Variants in HGS observed in about 807,000 individuals in gnomAD.
HGS encodes human growth factor-regulated tyrosine kinase substrate.
Under a neutral mutation model 109.7 loss-of-function variants are expected in HGS, and 63 were observed. The observed-to-expected ratio is 0.57, with a 90% CI of 0.47 to 0.71. The LOEUF is 0.71. Among genes scored for constraint, HGS ranks in the 30% least tolerant of loss-of-function variants. HGS has a pLI of 0.00. For missense variants in HGS, 995 were observed against 1,068.3 expected, an observed-to-expected ratio of 0.93 and a Z score of 0.96; for synonymous variants, 546 against 437.3, an observed-to-expected ratio of 1.25 and a Z score of -3.10.
At chr17:81,693,337 C>CCTGCT (rs1272887635) in intron 8 of HGS, among the ~76,000 whole-genome samples, 166 bp from the exon 9 acceptor site, 1 of 152,228 alleles carries the variant, frequency 6.6e-6, no homozygotes, top group Non-Finnish European at 1.5e-5. Flanking sequence ...CGAGTCCTGC[C>CCTGCT]CTGCTCTGCT....
In HGS at chr17:81,693,693, G is replaced by T; in HGVS notation, c.781G>T (p.Glu261Ter). 6.4e-7 allele frequency: 1 copy of T among 1,558,300 alleles called. No individual in the cohort carries two copies. The highest frequency in any genetic ancestry group is 8.7e-7 in the Non-Finnish European group (1 of 1,150,720). ...GGACGAGACGGCCCTGCAGGAGGAG[G>T]AGGAGCTGCAGCTGGCCCTGGCGCT... Reference protein sequence around the residue: ...KRDETALQEEEELQLALALSQ... With the variant: ...KRDETALQEE Residue 261 changes from glutamate to a stop codon, truncating the protein, a stop_gained, in exon 10 of 22, where the codon GAG (glutamate) becomes TAG (stop). Coordinates refer to ENST00000329138, the MANE Select transcript of HGS (RefSeq NM_004712.5). LOFTEE classifies it high-confidence loss of function.
intron 1 of HGS, chr17:81,685,030 G>T (rs1180731317): frequency 1.0e-6 from 1 of 985,282 alleles, no homozygotes; most frequent in Non-Finnish European, 1.2e-6. Flanking sequence ...CCCCAGAGGG[G>T]CCAGTTGTTG....
At chr17:81,684,322 G>C in intron 1 of HGS, 2 of 382,344 alleles carry the variant, frequency 5.2e-6, no homozygotes, top group Non-Finnish European at 9.1e-6. Context: ...GGCTCTGCGA[G>C]GGTCCGCGCA....
chr17:81,686,092 G>A (rs558253174), intron 2 of HGS, among the ~76,000 whole-genome samples: 2 of 152,136 alleles, frequency 1.3e-5, no homozygotes, highest in Admixed American at 6.5e-5. Flanking sequence ...CATCACGCCC[G>A]GCTGATTTTT....
chr17:81,698,912 C>A (rs946366009), intron 18 of HGS, among the ~76,000 whole-genome samples: 2 of 151,994 alleles, frequency 1.3e-5, no homozygotes, highest in African/African-American at 4.8e-5. Flanking sequence ...ACTAAAAATA[C>A]AAAAATTAGC....
In HGS at chr17:81,686,357, G is replaced by A; in HGVS notation, c.168G>A (p.Lys56=). 1 of 1,613,690 alleles carries A rather than the reference G, an allele frequency of 6.2e-7. No homozygotes were observed. The highest frequency in any genetic ancestry group is 8.5e-7 in the Non-Finnish European group (1 of 1,179,968). Reference sequence around the variant, plus strand: ...CCATCAAGAAGAAAGTCAACGACAAGAACCCACACGTCGCCTTGTATGCCC... The same window carrying A: ...CCATCAAGAAGAAAGTCAACGACAAAAACCCACACGTCGCCTTGTATGCCC... The part of the protein sequence containing the change: ...VNSIKKKVND[K]NPHVALYALE... The change falls in exon 3 of 22, where the codon AAG becomes AAA. Residue 56 remains lysine (K), a synonymous_variant. Transcript: ENST00000329138.
rs1568214790 is a variant in HGS, at chr17:81,691,714, A to T, written c.662+143A>T. 4 of 1,114,044 alleles carry T rather than the reference A, an allele frequency of 3.6e-6. No individual in the cohort carries two copies. Among genetic ancestry groups the T allele is most frequent in the Non-Finnish European group, 3.9e-6 (3 of 772,818 alleles). The allele number at this position is 1,114,044 out of a possible 1,614,324, so 69.0% of individuals were successfully genotyped here. ...GCAGCTGGAAGGTCAAGGGAAACCC[A>T]GGGTGGCCGCATGCCCTCGGACCCT... is the stretch of plus-strand genomic sequence containing the variant. On this transcript the variant is annotated intron_variant, in intron 8 of 21. Transcript: ENST00000329138. The surrounding 1 kb of genome is among the most constrained non-coding windows in gnomAD (Gnocchi z 5.3).
chr17:81,690,810 A>G (rs34203932), intron 7 of HGS, 68 bp downstream of exon 7: 91,826 of 1,399,854 alleles, frequency 0.066, 4,119 homozygotes, highest in East Asian at 0.26. Context: ...GCACAAGGCC[A>G]CCGTCCCTGC....
intron 2 of HGS, 165 bp from the exon 3 acceptor site, chr17:81,686,147 T>C (rs1400685939): frequency 1.6e-6 from 1 of 617,368 alleles, no homozygotes; most frequent in African/African-American, 1.8e-5. Flanking sequence ...CACAGGCTGG[T>C]CTCAGACTCC....
Position 81,696,619 on chromosome 17 carries a change from G to A in HGS, c.1579G>A (p.Val527Met), listed in dbSNP as rs1341564554. The A allele has an allele frequency of 4.4e-6, 7 of 1,608,560 alleles. No individual in the cohort carries two copies. Among genetic ancestry groups the A allele is most frequent in the Non-Finnish European group, 5.1e-6 (6 of 1,177,734 alleles). The change falls in exon 17 of 22, where the codon GTG becomes ATG. Residue 527 changes from valine (V) to methionine (M), a missense_variant. By Grantham distance (21) the Val-to-Met change is conservative. Coordinates refer to ENST00000329138, the MANE Select transcript of HGS (RefSeq NM_004712.5). ...MRQKKQEYLE[V>M]QRQLAIQRLQ... Reference sequence around the variant, plus strand: ...TTTTGCCGCACAGGAGTACCTGGAGGTGCAGAGGCAGCTGGCCATCCAGCG... The same window carrying A: ...TTTTGCCGCACAGGAGTACCTGGAGATGCAGAGGCAGCTGGCCATCCAGCG...
chr17:81,696,900 C>T lies in HGS; in HGVS notation c.1784C>T (p.Pro595Leu), dbSNP rs1341185315. 6.2e-7 allele frequency: 1 copy of T among 1,610,014 alleles called. No homozygotes were observed. Among genetic ancestry groups the T allele is most frequent in the South Asian group, 1.1e-5 (1 of 91,078 alleles). ...GCCAGCTTCCCCAGCACCTTCAGCC[C>T]TGCCGGCTCGGTGGAGGGCTCCCCA... ...GPASFPSTFS[P>L]AGSVEGSPMH... Residue 595 changes from proline (P) to leucine (L), a missense_variant, in exon 18 of 22, where the codon CCT (proline) becomes CTT (leucine). Transcript: ENST00000329138.
rs780245369 is a variant in HGS, at chr17:81,688,761, C to T, written c.349C>T (p.His117Tyr). 1.2e-6 allele frequency: 2 copies of T among 1,614,120 alleles called. No individual in the cohort carries two copies. The highest frequency in any genetic ancestry group is 1.7e-6 in the Non-Finnish European group (2 of 1,179,998). ...KILYLIQAWAHAFRNEPKYKV... is the reference protein window; with the variant it reads ...KILYLIQAWAYAFRNEPKYKV... ...CCTGTACCTGATCCAGGCCTGGGCG[C>T]ATGCCTTCCGGAACGAGCCCAAGTA... The change falls in exon 5 of 22, where the codon CAT (histidine) becomes TAT (tyrosine). Residue 117 changes from histidine (H) to tyrosine (Y), a missense_variant. By Grantham distance (83) the His-to-Tyr change is moderately conservative. Transcript: ENST00000329138.
intron 4 of HGS, among the ~76,000 whole-genome samples, chr17:81,688,079 G>A (rs2037007706): frequency 6.6e-6 from 1 of 152,222 alleles, no homozygotes; most frequent in Non-Finnish European, 1.5e-5. Context: ...GTTCTGGAAA[G>A]GAGCTTAGGC....
At chr17:81,687,229 A>C (rs929482257) in intron 4 of HGS, 134 bp downstream of exon 4, 1 of 671,490 alleles carries the variant, frequency 1.5e-6, no homozygotes, top group Non-Finnish European at 2.7e-6. Flanking sequence ...TGGTCCCTGC[A>C]CTGCGCAAGC....
In HGS at chr17:81,696,163, A is replaced by C. The variant is rs908048208; in HGVS notation, c.1393+164A>C. On this transcript the variant is annotated intron_variant, in intron 15 of 21. Transcript: ENST00000329138. ...ACAGGAGGTGGTCTCAGTGATGACCATGCCCTGCCCTGCCCTGCCCTGCCC... is the reference window on the plus strand; with the variant it reads ...ACAGGAGGTGGTCTCAGTGATGACCCTGCCCTGCCCTGCCCTGCCCTGCCC... 2.5e-5 allele frequency: 19 copies of C among 768,974 alleles called. 1 individual carries two copies. In the East Asian group the frequency reaches 3.4e-4, roughly 14 times the overall value. The allele number at this position is 768,974 out of a possible 1,614,324, so 47.6% of individuals were successfully genotyped here.
intron 14 of HGS, chr17:81,695,538 A>C: frequency 1.7e-6 from 1 of 600,278 alleles, no homozygotes; most frequent in Non-Finnish European, 3.0e-6. Context: ...CTGTCAGAGC[A>C]CAGGTCCCTG....
intron 21 of HGS, 95 bp from the exon 22 acceptor site, chr17:81,701,413 G>C (rs755137829): frequency 1.4e-4 from 184 of 1,305,802 alleles, no homozygotes; most frequent in Non-Finnish European, 1.9e-4. Context: ...TGGATTACAA[G>C]CACTTGTGGG....
chr17:81,697,852 C>T (rs2037178704), intron 18 of HGS: 1 of 152,140 alleles, frequency 6.6e-6, no homozygotes, highest in South Asian at 2.1e-4. Flanking sequence ...TCTGTCATCA[C>T]TCTTTATTTT....
At chr17:81,686,105 T>C (rs1598743118) in intron 2 of HGS, among the ~76,000 whole-genome samples, 1 of 152,134 alleles carries the variant, frequency 6.6e-6, no homozygotes, top group East Asian at 1.9e-4. Flanking sequence ...TGATTTTTTG[T>C]ATTTTGGTAG....
Sources: gnomAD v4.1 joint callset for allele counts (sites outside exome capture counted in the v4.1 genomes callset) on GRCh38, gnomAD v4.1.1 for gene constraint, Gnocchi (gnomAD v3.1) non-coding constraint, MANE v1.5 for transcripts, NCBI Gene and HGNC (gene_info 2026-07-23, HGNC 2026-07-21) for gene names.